The following SNX29 variants were observed in gnomAD, a reference collection of about 807,000 sequenced individuals.
SNX29 encodes sorting nexin-29.
SNX29 carries 78 observed loss-of-function variants against 102.1 expected under a neutral mutation model. The observed-to-expected ratio is 0.76, with a 90% confidence interval of 0.64 to 0.92. SNX29 has a LOEUF of 0.92. SNX29 is among the 40% of genes least tolerant of loss of function. SNX29 has a pLI of 0.00. For synonymous variants in SNX29, 580 were observed against 414.5 expected (o/e 1.40, Z -4.85); for missense variants, 1,280 against 1,061.7 (o/e 1.21, Z -2.86).
chr16:12,458,352 C>T (rs1313358041), intron 18 of SNX29, among the ~76,000 whole-genome samples: 4 of 152,166 alleles, frequency 2.6e-5, no homozygotes, highest in Non-Finnish European at 4.4e-5. Flanking sequence ...AGGCAGAAGT[C>T]TTCTGGAGAA....
At chr16:12,340,931 T>G (rs2081592419) in intron 15 of SNX29, among the ~76,000 whole-genome samples, 1 of 152,190 alleles carries the variant, frequency 6.6e-6, no homozygotes, top group Non-Finnish European at 1.5e-5. Flanking sequence ...CTGGCATCTT[T>G]CCTCTATTTA....
At chr16:12,365,964 C>T (rs1275387158) in intron 16 of SNX29, among the ~76,000 whole-genome samples, 2 of 144,062 alleles carry the variant, frequency 1.4e-5, no homozygotes, top group Admixed American at 7.2e-5. Context: ...ATGGCATGAA[C>T]CCGGGAGGTG....
chr16:12,129,789 C>G lies in SNX29; in HGVS notation c.1595+31C>G, dbSNP rs368534610. Reference sequence around the variant, plus strand: ...AGAGGGTGAGGGATGGAGAGGTAAGCACGTGGGGGCTTCATTAAAACCTGA... The same window carrying G: ...AGAGGGTGAGGGATGGAGAGGTAAGGACGTGGGGGCTTCATTAAAACCTGA... On this transcript the variant is annotated intron_variant, in intron 13 of 20. Transcript: ENST00000566228. The G allele has an allele frequency of 1.0e-5, 16 of 1,569,492 alleles. 1 individual carries two copies. The South Asian group carries it at 1.1e-4, about 10-fold the overall frequency.
intron 14 of SNX29, among the ~76,000 whole-genome samples, chr16:12,231,861 T>C (rs2142205167): frequency 6.6e-6 from 1 of 152,374 alleles, no homozygotes; most frequent in South Asian, 2.1e-4. Context: ...TGAGTCACTG[T>C]GGAGATGGAA....
At chr16:12,109,975 C>T (rs1056499956) in intron 11 of SNX29, among the ~76,000 whole-genome samples, 1 of 152,140 alleles carries the variant, frequency 6.6e-6, no homozygotes, top group Non-Finnish European at 1.5e-5. Flanking sequence ...GTGATCCACC[C>T]GCCTTGGCCT....
intron 15 of SNX29, among the ~76,000 whole-genome samples, chr16:12,305,755 C>T (rs949652051): frequency 1.3e-5 from 2 of 152,152 alleles, no homozygotes; most frequent in Non-Finnish European, 2.9e-5. Context: ...TTCCTAATTA[C>T]AATTTTTAAT....
intron 18 of SNX29, among the ~76,000 whole-genome samples, chr16:12,453,013 A>T (rs935076830): frequency 6.6e-6 from 1 of 152,114 alleles, no homozygotes; most frequent in African/African-American, 2.4e-5. Context: ...GGGGCCCTAG[A>T]TGCAAAAAGG....
At chr16:12,047,692 T>C (rs922257721) in intron 6 of SNX29, among the ~76,000 whole-genome samples, 1 of 143,212 alleles carries the variant, frequency 7.0e-6, no homozygotes, top group Non-Finnish European at 1.5e-5. Flanking sequence ...AGTTTCACTC[T>C]CGTTGCCCAG....
chr16:12,334,237 C>T lies in SNX29; in HGVS notation c.1783-21926C>T, dbSNP rs186531542. Among the ~76,000 whole-genome samples the T allele has an allele frequency of 5.5e-3, 832 of 152,224 alleles. 10 individuals carry two copies. The highest frequency in any genetic ancestry group is 6.3e-3 in the Admixed American group (97 of 15,302). On this transcript the variant is annotated intron_variant, in intron 15 of 20. Transcript: ENST00000566228. ...ATCTTTGGGATGGCATGTTTTGAAA[C>T]AAAGCACACCGCCAAGGAACTCGCT...
intron 15 of SNX29, among the ~76,000 whole-genome samples, chr16:12,305,026 G>T (rs1312518241): frequency 6.6e-6 from 1 of 152,180 alleles, no homozygotes; most frequent in Non-Finnish European, 1.5e-5. Context: ...AATTTAGAAG[G>T]CAGTTAAAGA....
At chr16:12,063,124 G>A (rs1017114760) in intron 9 of SNX29, among the ~76,000 whole-genome samples, 1 of 152,156 alleles carries the variant, frequency 6.6e-6, no homozygotes, top group African/African-American at 2.4e-5. Flanking sequence ...AGTGGGGGGT[G>A]TGATTATATC....
At chr16:12,508,120 A>G (rs1455013808) in intron 19 of SNX29, among the ~76,000 whole-genome samples, 1 of 152,050 alleles carries the variant, frequency 6.6e-6, no homozygotes, top group African/African-American at 2.4e-5. Context: ...TCTTGGGAAG[A>G]GTGTTTTTGA....
At chr16:12,348,538 G>T (rs1279856195) in intron 15 of SNX29, among the ~76,000 whole-genome samples, 1 of 149,676 alleles carries the variant, frequency 6.7e-6, no homozygotes, top group South Asian at 2.1e-4. Context: ...CCCCGGCTCT[G>T]TGTGTGTGTA....
At chr16:12,369,111 T>C (rs569025073) in intron 16 of SNX29, among the ~76,000 whole-genome samples, 1 of 152,180 alleles carries the variant, frequency 6.6e-6, no homozygotes, top group East Asian at 1.9e-4. Flanking sequence ...TGCTCCTGCC[T>C]GGTATGCATG....
intron 11 of SNX29, among the ~76,000 whole-genome samples, chr16:12,100,805 A>G (rs1404265610): frequency 6.6e-6 from 1 of 151,108 alleles, no homozygotes; most frequent in Non-Finnish European, 1.5e-5. Context: ...ATTAGAGCAG[A>G]GGTGGTGAGA....
chr16:12,092,339 C>G (rs183755386), intron 11 of SNX29, among the ~76,000 whole-genome samples: 2 of 152,272 alleles, frequency 1.3e-5, no homozygotes, highest in Admixed American at 1.3e-4. Context: ...TTAGTTCTAA[C>G]AAGCATGGAG....
intron 15 of SNX29, among the ~76,000 whole-genome samples, chr16:12,311,572 G>A (rs1019698828): frequency 6.6e-6 from 1 of 152,268 alleles, no homozygotes; most frequent in African/African-American, 2.4e-5. Flanking sequence ...CAAGGCCGAT[G>A]GCCCGTCCGC....
At chr16:12,054,461 C>T (rs889880974) in intron 8 of SNX29, among the ~76,000 whole-genome samples, 2 of 152,210 alleles carry the variant, frequency 1.3e-5, no homozygotes, top group African/African-American at 2.4e-5. Flanking sequence ...CGATAGCCCT[C>T]CCCAGTGTGG....
At chr16:12,556,322 G>C (rs965385271) in intron 20 of SNX29, 1 of 152,218 alleles carries the variant, frequency 6.6e-6, no homozygotes, top group African/African-American at 2.4e-5. Flanking sequence ...AGACGAGCTA[G>C]ACCAGGACAG....
Sources: allele counts gnomAD v4.1 joint callset (sites outside exome capture counted in the v4.1 genomes callset), GRCh38; gene constraint gnomAD v4.1.1; transcripts MANE v1.5; gene names NCBI Gene and HGNC (gene_info 2026-07-23, HGNC 2026-07-21).